Variants in COL18A1 observed in about 807,000 individuals in gnomAD.
COL18A1 encodes the protein collagen alpha-1(XVIII) chain.
A neutral mutation model predicts 168.0 loss-of-function variants in COL18A1; 133 were observed. The ratio of observed to expected loss-of-function variants is 0.79; its 90% CI spans 0.69 to 0.91. The LOEUF is 0.91. Among genes scored for constraint, COL18A1 ranks in the 40% least tolerant of loss-of-function variants. The probability of loss-of-function intolerance (pLI) is 0.00; values close to 1 mark genes in which losing one functional copy is unlikely to be tolerated. For missense variants in COL18A1, 2,126 were observed against 1,925.4 expected (o/e 1.10, Z -1.95); for synonymous variants, 949 against 809.0 (o/e 1.17, Z -2.94).
At chr21:45,428,018 G>A (rs1279654651) in intron 2 of COL18A1, among the ~76,000 whole-genome samples, 1 of 152,170 alleles carries the variant, frequency 6.6e-6, no homozygotes, top group Non-Finnish European at 1.5e-5. Context: ...CACAGCCAAC[G>A]CAGCCTACTC....
At chr21:45,495,286 CA>C in intron 28 of COL18A1, 71 bp from the exon 29 acceptor site, 3 of 1,339,226 alleles carry the variant, frequency 2.2e-6, no homozygotes. Flanking sequence ...GGGCTAACGG[CA>C]GGCACCCTGC....
chr21:45,421,495 G>A (rs747730903), intron 2 of COL18A1: 1 of 534,636 alleles, frequency 1.9e-6, no homozygotes, highest in Non-Finnish European at 3.8e-6. Context: ...GTTTCTGGCT[G>A]TGCAAGGCTC....
intron 2 of COL18A1, among the ~76,000 whole-genome samples, chr21:45,441,001 C>A (rs74394028): frequency 2.6e-5 from 4 of 152,188 alleles, no homozygotes; most frequent in African/African-American, 9.7e-5. Context: ...CTCGCTGTGC[C>A]GAGGCTGATG....
chr21:45,445,106 A>G (rs1481212894), intron 2 of COL18A1, among the ~76,000 whole-genome samples: 3 of 152,152 alleles, frequency 2.0e-5, no homozygotes, highest in Non-Finnish European at 4.4e-5. Flanking sequence ...CTCCAGAGAG[A>G]AGCCTTTCCG....
At position 45,480,775 on chromosome 21, in the gene COL18A1, G is replaced by T; in HGVS notation, c.1528G>T (p.Val510Leu). Residue 510 changes from valine to leucine, a missense_variant, in exon 13 of 42, where the codon GTG becomes TTG. Physicochemically the swap from Val to Leu is conservative, Grantham distance 32. Transcript: ENST00000651438. ...GLPGEPGRFGVNSSDVPGPAG... is the reference protein window; with the variant it reads ...GLPGEPGRFGLNSSDVPGPAG... Reference sequence around the variant, plus strand: ...GCCCGGCGAGCCAGGCCGCTTTGGGGTGAACAGCTCCGACGTCCCAGGACC... The same window carrying T: ...GCCCGGCGAGCCAGGCCGCTTTGGGTTGAACAGCTCCGACGTCCCAGGACC... 8.7e-6 allele frequency: 14 copies of T among 1,611,472 alleles called. No homozygotes were observed. Among genetic ancestry groups the T allele is most frequent in the Non-Finnish European group, 1.1e-5 (13 of 1,179,858 alleles).
intron 3 of COL18A1, among the ~76,000 whole-genome samples, chr21:45,472,540 G>A (rs1202254604): frequency 6.6e-6 from 1 of 152,124 alleles, no homozygotes; most frequent in African/African-American, 2.4e-5. Context: ...TTCAACCCCA[G>A]CTCCTCCCTG....
intron 2 of COL18A1, among the ~76,000 whole-genome samples, chr21:45,429,176 C>T (rs2033888931): frequency 6.6e-6 from 1 of 152,178 alleles, no homozygotes. Context: ...GTTGGGATTA[C>T]AGGCGTGAGC....
rs112016235 is a variant in COL18A1 at position 45,463,896 on chromosome 21, T to TA, written c.107-4334dup. Among the ~76,000 whole-genome samples the TA allele has an allele frequency of 0.017, 2,433 of 143,288 alleles. 67 individuals carry two copies. Among genetic ancestry groups the TA allele is most frequent in the African/African-American group, 0.056 (2,208 of 39,334 alleles). The allele number at this position is 143,288 out of a possible 152,430, so 94.0% of individuals were successfully genotyped here. A position where few individuals can be genotyped will look rare whatever the true frequency, so the allele number is the denominator to read the frequency against. The stretch of plus-strand genomic sequence containing the variant: ...TGGGCAACAAGAGCGAAACTCCATC[T>TA]AAAAAAAAAAAAGAAAAGGAAAGAA... On this transcript the variant is annotated intron_variant, in intron 2 of 41. Transcript: ENST00000651438. The surrounding 1 kb of genome is among the most constrained non-coding windows in gnomAD (Gnocchi z 4.0).
intron 2 of COL18A1, chr21:45,456,934 AGT>A: frequency 7.4e-7 from 1 of 1,343,634 alleles, no homozygotes; most frequent in Non-Finnish European, 9.7e-7. Flanking sequence ...TTGCCAGGTA[AGT>A]GTGGGCGGGG....
At chr21:45,421,641 A>C in intron 2 of COL18A1, 2 of 516,726 alleles carry the variant, frequency 3.9e-6, no homozygotes, top group South Asian at 2.8e-5. Context: ...GGAGCGGGTC[A>C]GGTGGCTGGC....
intron 41 of COL18A1, among the ~76,000 whole-genome samples, chr21:45,511,798 A>G (rs1011372779): frequency 2.0e-5 from 3 of 152,198 alleles, no homozygotes; most frequent in Non-Finnish European, 4.4e-5. Context: ...GGTCTCTGAC[A>G]GGAGTGCTGT....
chr21:45,467,814 G>A (rs1244175703), intron 2 of COL18A1, among the ~76,000 whole-genome samples: 3 of 152,072 alleles, frequency 2.0e-5, no homozygotes, highest in East Asian at 1.9e-4. Flanking sequence ...GCCCCTCACA[G>A]CTCCTTGCCC....
chr21:45,492,990 G>T (rs968575073), intron 24 of COL18A1, among the ~76,000 whole-genome samples, 173 bp from the exon 25 acceptor site: 1 of 151,932 alleles, frequency 6.6e-6, no homozygotes, highest in Non-Finnish European at 1.5e-5. Flanking sequence ...TCCTGGTGGG[G>T]GTCACCTGCG....
chr21:45,481,637 C>T (rs2035898805), intron 13 of COL18A1, among the ~76,000 whole-genome samples: 1 of 152,232 alleles, frequency 6.6e-6, no homozygotes. Flanking sequence ...GGAATTTGGG[C>T]TTAAAGAACA....
In COL18A1 at chr21:45,490,301, C is replaced by T. The variant is rs754862849; in HGVS notation, c.1986C>T (p.Pro662=). The change falls in exon 20 of 42, where the codon CCC becomes CCT. Residue 662 remains proline, a synonymous_variant. Coordinates refer to ENST00000651438, the MANE Select transcript of COL18A1 (RefSeq NM_001379500.1). ...GAGAAGTTGGAGCAGATGGAGTCCCCGGGTTCCCCGGCCTCCCTGGCAGAG... is the reference window on the plus strand; with the variant it reads ...GAGAAGTTGGAGCAGATGGAGTCCCTGGGTTCCCCGGCCTCCCTGGCAGAG... ...AKGEVGADGV[P]GFPGLPGREG... 43 of 1,587,752 alleles carry T rather than the reference C, an allele frequency of 2.7e-5. 1 individual carries two copies. In the Middle Eastern group the frequency reaches 1.4e-3, roughly 50 times the overall value.
chr21:45,480,350 G>T, intron 11 of COL18A1, 117 bp from the exon 12 acceptor site: 1 of 1,582,852 alleles, frequency 6.3e-7, no homozygotes, highest in East Asian at 2.3e-5. Flanking sequence ...GAGGGGCCGT[G>T]GTTTCTCAGC....
Position 45,493,484 on chromosome 21 carries a change from A to C in COL18A1, c.2278-17A>C, listed in dbSNP as rs1602547867. On this transcript the variant is annotated splice_polypyrimidine_tract_variant and intron_variant, in intron 25 of 41. Coordinates refer to ENST00000651438, the MANE Select transcript of COL18A1 (RefSeq NM_001379500.1). ...AAGGAGCTGGCCCTGACTCTGCTGG[A>C]CCTCCTGCCATTCCAGGGTGAGAAG... 6.4e-7 allele frequency: 1 copy of C among 1,552,530 alleles called. No individual in the cohort carries two copies. The highest frequency in any genetic ancestry group is 8.7e-7 in the Non-Finnish European group (1 of 1,148,050).
rs368902481 is a variant in COL18A1, at chr21:45,477,965, G to A, written c.1221G>A (p.Pro407=). Residue 407 remains proline, a splice_region_variant and synonymous_variant, in exon 8 of 42, where the codon CCG becomes CCA. Coordinates refer to ENST00000651438, the MANE Select transcript of COL18A1 (RefSeq NM_001379500.1). ...RDGTPGRDGE[P]GDPGEDGKPG... is the part of the protein sequence containing the mutation. The stretch of plus-strand genomic sequence containing the variant: ...GCACCCCTGGAAGGGACGGCGAGCC[G>A]GTGAGTCCTCACGTCCCCCCGAGTC... The A allele has an allele frequency of 5.5e-5, 82 of 1,482,720 alleles. No individual in the cohort carries two copies. Among genetic ancestry groups the A allele is most frequent in the South Asian group, 3.5e-4 (29 of 83,240 alleles). 91.8% of individuals were successfully genotyped at this position (1,482,720 alleles called of 1,614,324 possible). A position where few individuals can be genotyped will look rare whatever the true frequency, so the allele number is the denominator to read the frequency against.
chr21:45,477,102 G>T (rs957269661), intron 6 of COL18A1, among the ~76,000 whole-genome samples: 1 of 152,310 alleles, frequency 6.6e-6, no homozygotes, highest in South Asian at 2.1e-4. Context: ...AGCATGCTGG[G>T]TGATAAGAAG....
Sources: gnomAD v4.1 joint callset for allele counts (sites outside exome capture counted in the v4.1 genomes callset) on GRCh38, gnomAD v4.1.1 for gene constraint, Gnocchi (gnomAD v3.1) non-coding constraint, MANE v1.5 for transcripts, NCBI Gene and HGNC (gene_info 2026-07-23, HGNC 2026-07-21) for gene names.